Variants in LATS2 observed in about 807,000 individuals in gnomAD.
LATS2 encodes large tumor suppressor kinase 2.
A neutral mutation model predicts 76.0 loss-of-function variants in LATS2; 24 were observed. That is an observed-to-expected ratio of 0.32 (90% CI 0.23 to 0.44). The LOEUF (loss-of-function observed/expected upper bound fraction) is 0.44. Among genes scored for constraint, LATS2 ranks in the 20% least tolerant of loss-of-function variants. The pLI, the probability that LATS2 is intolerant of heterozygous loss-of-function variation, is 1.00. For synonymous variants in LATS2, 692 were observed against 635.4 expected, an observed-to-expected ratio of 1.09 and a Z score of -1.34; for missense variants, 1,286 against 1,481.2, an observed-to-expected ratio of 0.87 and a Z score of 2.16.
At chr13:20,999,146 A>C (rs1870913677) in intron 2 of LATS2, among the ~76,000 whole-genome samples, 1 of 152,252 alleles carries the variant, frequency 6.6e-6, no homozygotes, top group Non-Finnish European at 1.5e-5. Flanking sequence ...TGGAGGACAA[A>C]TGGAAGTAGT....
chr13:20,988,214 C>G lies in LATS2; in HGVS notation c.1566G>C (p.Leu522=). The G allele has an allele frequency of 6.2e-7, 1 of 1,610,474 alleles. No homozygotes were observed. Among genetic ancestry groups the G allele is most frequent in the Non-Finnish European group, 8.5e-7 (1 of 1,179,544 alleles). ...RCPPPPYPKH[L]LLRSKSEQYD... ...ACTGCTCCGACTTGCTGCGCAGCAG[C>G]AGGTGCTTCGGGTAGGGCGGAGGCG... The change falls in exon 4 of 8, where the codon CTG becomes CTC. Residue 522 remains leucine (L), a synonymous_variant. Coordinates refer to ENST00000382592, the MANE Select transcript of LATS2 (RefSeq NM_014572.3).
intron 2 of LATS2, among the ~76,000 whole-genome samples, chr13:21,022,189 C>T (rs1565957045): frequency 2.0e-5 from 3 of 152,076 alleles, no homozygotes; most frequent in Admixed American, 2.0e-4. Flanking sequence ...TACATGTGTA[C>T]ATGTGTGCAA....
At chr13:21,007,462 C>T (rs1443642933) in intron 2 of LATS2, among the ~76,000 whole-genome samples, 1 of 137,494 alleles carries the variant, frequency 7.3e-6, no homozygotes, top group Admixed American at 7.9e-5. Context: ...TAAGGAGGCT[C>T]GGCCAATAAT....
In LATS2 at chr13:21,007,601, T is replaced by G. The variant is rs1595230101; in HGVS notation, c.343-16197A>C. Among the ~76,000 whole-genome samples, 2 of 5,570 alleles carry G rather than the reference T, an allele frequency of 3.6e-4. 1 individual carries two copies. Among genetic ancestry groups the G allele is most frequent in the Admixed American group, 0.01 (2 of 198 alleles). The allele number at this position is 5,570 out of a possible 152,430, so 3.7% of individuals were successfully genotyped here. ...TATATATATATAGTATATATATATA[T>G]AGTGTGTATATATATATATAGTGTA... is the stretch of plus-strand genomic sequence containing the variant. On this transcript the variant is annotated intron_variant, in intron 2 of 7. Coordinates refer to ENST00000382592, the MANE Select transcript of LATS2 (RefSeq NM_014572.3).
chr13:21,036,120 AC>A (rs1281933316), intron 2 of LATS2, among the ~76,000 whole-genome samples: 1 of 151,910 alleles, frequency 6.6e-6, no homozygotes, highest in Non-Finnish European at 1.5e-5. Context: ...GGTCTCGAAC[AC>A]CCGACCTCGG....
chr13:21,033,917 C>T (rs1872610175), intron 2 of LATS2, among the ~76,000 whole-genome samples: 2 of 152,010 alleles, frequency 1.3e-5, no homozygotes, highest in Admixed American at 6.6e-5. Context: ...CACAAGGACA[C>T]ACACATTCCA....
chr13:20,978,500 T>C (rs1441019346), intron 7 of LATS2, among the ~76,000 whole-genome samples: 1 of 152,208 alleles, frequency 6.6e-6, no homozygotes, highest in Non-Finnish European at 1.5e-5. Flanking sequence ...TATGCACAAC[T>C]AGCCTGACCA....
chr13:20,979,759 T>C lies in LATS2; in HGVS notation c.2704A>G (p.Ile902Val). 1 of 1,612,184 alleles carries C rather than the reference T, an allele frequency of 6.2e-7. No homozygotes were observed. The highest frequency in any genetic ancestry group is 8.5e-7 in the Non-Finnish European group (1 of 1,178,668). The change falls in exon 7 of 8, where the codon ATT becomes GTT. Residue 902 changes from isoleucine to valine, a missense_variant. Ile to Val is a conservative substitution (Grantham distance 29). Around this residue, in one of 5 missense-constraint regions of LATS2, gnomAD observed 247 missense variants for 385.4 expected, o/e 0.64. Coordinates refer to ENST00000382592, the MANE Select transcript of LATS2 (RefSeq NM_014572.3). ...TGCCCCACCAGCATCTCGAAGAGAA[T>C]CACTCCAACACTCCACCAGTCACAG... ...QLCDWWSVGV[I>V]LFEMLVGQPP...
chr13:20,999,364 A>G (rs1870931359), intron 2 of LATS2, among the ~76,000 whole-genome samples: 1 of 152,250 alleles, frequency 6.6e-6, no homozygotes, highest in Admixed American at 6.5e-5. Flanking sequence ...AAACGAATGA[A>G]GAAGAAATTT....
intron 2 of LATS2, among the ~76,000 whole-genome samples, chr13:21,009,746 G>C (rs1203531613): frequency 6.6e-6 from 1 of 152,196 alleles, no homozygotes; most frequent in Non-Finnish European, 1.5e-5. Flanking sequence ...AATACACCAA[G>C]TACATGCTGT....
intron 4 of LATS2, among the ~76,000 whole-genome samples, chr13:20,985,063 C>G (rs1164337935): frequency 6.6e-6 from 1 of 152,166 alleles, no homozygotes; most frequent in Non-Finnish European, 1.5e-5. Flanking sequence ...AAGAGACATG[C>G]TGGGAAAACT....
chr13:21,007,700 GTATGTATATATA>G (rs1871386773), intron 2 of LATS2, among the ~76,000 whole-genome samples: 18 of 1,700 alleles, frequency 0.011, 6 homozygotes, highest in African/African-American at 0.038. Flanking sequence ...TATATATATA[GTATGTATATATA>G]TATATATATA....
chr13:21,024,003 G>A (rs887182750), intron 2 of LATS2, among the ~76,000 whole-genome samples: 13 of 150,030 alleles, frequency 8.7e-5, no homozygotes, highest in African/African-American at 2.7e-4. Context: ...CACAACTCAG[G>A]GGGCTTTGGA....
chr13:21,048,397 A>G (rs1222198460), intron 1 of LATS2, among the ~76,000 whole-genome samples: 3 of 152,228 alleles, frequency 2.0e-5, no homozygotes, highest in Non-Finnish European at 1.5e-5. Context: ...AAACACAGCC[A>G]TACTATCTTC....
At position 20,996,322 on chromosome 13, in the gene LATS2, A is replaced by G. The variant is rs537273600; in HGVS notation, c.343-4918T>C. ...ATCTTGACTTTGAGATTTCATTCAC[A>G]TCTCACATCCAGTCCAGAAGCATTT... On this transcript the variant is annotated intron_variant, in intron 2 of 7. Transcript: ENST00000382592. 1.1e-4 allele frequency among the ~76,000 whole-genome samples: 17 copies of G among 151,806 alleles called. 1 individual carries two copies. The South Asian group carries it at 3.3e-3, about 30-fold the overall frequency.
chr13:21,036,121 C>A (rs569666503), intron 2 of LATS2, among the ~76,000 whole-genome samples: 2 of 152,264 alleles, frequency 1.3e-5, no homozygotes, highest in African/African-American at 4.8e-5. Context: ...GTCTCGAACA[C>A]CCGACCTCGG....
chr13:20,998,180 C>T (rs988151656), intron 2 of LATS2, among the ~76,000 whole-genome samples: 2 of 151,930 alleles, frequency 1.3e-5, no homozygotes, highest in African/African-American at 2.4e-5. Flanking sequence ...GGGCAAGACC[C>T]GCATGTTTGT....
In LATS2 at chr13:20,988,367, C is replaced by CG; in HGVS notation, c.1412dup (p.Ala472GlyfsTer99). The CG allele has an allele frequency of 5.6e-5, 40 of 711,308 alleles. No individual in the cohort carries two copies. Among genetic ancestry groups the CG allele is most frequent in the Middle Eastern group, 4.8e-4 (1 of 2,078 alleles). 44.1% of individuals were successfully genotyped at this position (711,308 alleles called of 1,614,324 possible). A position where few individuals can be genotyped will look rare whatever the true frequency, so the allele number is the denominator to read the frequency against. On this transcript the variant is annotated frameshift_variant, in exon 4 of 8. Coordinates refer to ENST00000382592, the MANE Select transcript of LATS2 (RefSeq NM_014572.3). LOFTEE classifies it high-confidence loss of function. The stretch of plus-strand genomic sequence containing the variant: ...CCGGGGCGGGGGCGGGGGCGGGGGC[C>CG]GGGGCAGGCGCGGGCACCCAGGCGG...
chr13:21,009,974 C>A (rs1245695248), intron 2 of LATS2, among the ~76,000 whole-genome samples: 8 of 152,090 alleles, frequency 5.3e-5, no homozygotes, highest in Non-Finnish European at 2.9e-5. Flanking sequence ...GCGAGGTGGA[C>A]AGACTGCCTG....
Sources: allele counts gnomAD v4.1 joint callset (sites outside exome capture counted in the v4.1 genomes callset), GRCh38; gene constraint gnomAD v4.1.1; regional missense constraint gnomAD v4.1.1; transcripts MANE v1.5; gene names NCBI Gene and HGNC (gene_info 2026-07-23, HGNC 2026-07-21).